RBAK: variants seen among roughly 807,000 people sequenced by gnomAD.
RBAK encodes RB associated KRAB zinc finger, also known as RB-associated KRAB zinc finger protein.
Under a neutral mutation model 65.8 loss-of-function variants are expected in RBAK, and 39 were observed. The observed-to-expected ratio is 0.59, with a 90% CI of 0.46 to 0.77. The LOEUF is 0.77. RBAK is among the 30% of genes least tolerant of loss of function. The probability of loss-of-function intolerance (pLI) is 0.00; values close to 1 mark genes in which losing one functional copy is unlikely to be tolerated. For synonymous variants in RBAK, 343 were observed against 289.7 expected, an observed-to-expected ratio of 1.18 and a Z score of -1.87; for missense variants, 884 against 855.1, an observed-to-expected ratio of 1.03 and a Z score of -0.42.
chr7:5,052,961 T>G (rs200321121), intron 2 of RBAK, among the ~76,000 whole-genome samples: 1 of 152,130 alleles, frequency 6.6e-6, no homozygotes, highest in East Asian at 1.9e-4. Flanking sequence ...GGTTTCACCA[T>G]GTTGGCCAGG....
At chr7:5,049,828 A>G (rs1368602143) in intron 2 of RBAK, among the ~76,000 whole-genome samples, 2 of 151,786 alleles carry the variant, frequency 1.3e-5, no homozygotes, top group Non-Finnish European at 2.9e-5. Flanking sequence ...GGCTCACACG[A>G]TCCTCCTGCC....
At chr7:5,059,938 A>T (rs1467224846) in intron 4 of RBAK, among the ~76,000 whole-genome samples, 2 of 152,076 alleles carry the variant, frequency 1.3e-5, no homozygotes, top group African/African-American at 4.8e-5. Flanking sequence ...CAAAGATTAT[A>T]TGTTCTGATA....
intron 2 of RBAK, among the ~76,000 whole-genome samples, chr7:5,051,277 A>C (rs186420154): frequency 6.6e-6 from 1 of 152,300 alleles, no homozygotes; most frequent in East Asian, 1.9e-4. Flanking sequence ...TTTTGTTCAG[A>C]TACTTCATTC....
chr7:5,062,425 G>A (rs1457639501), intron 4 of RBAK, among the ~76,000 whole-genome samples: 1 of 152,146 alleles, frequency 6.6e-6, no homozygotes, highest in Non-Finnish European at 1.5e-5. Context: ...TTTCAAAAGG[G>A]GAGGGAGTGT....
intron 4 of RBAK, among the ~76,000 whole-genome samples, chr7:5,059,487 A>G (rs1233785169): frequency 6.6e-6 from 1 of 152,028 alleles, no homozygotes; most frequent in Non-Finnish European, 1.5e-5. Flanking sequence ...ATGCCTGGCT[A>G]ATTTTTATAT....
At chr7:5,051,569 ATTT>A (rs1290586481) in intron 2 of RBAK, among the ~76,000 whole-genome samples, 3 of 152,044 alleles carry the variant, frequency 2.0e-5, no homozygotes, top group Non-Finnish European at 4.4e-5. Flanking sequence ...CTTTATAGCA[ATTT>A]TTAATTTTTG....
chr7:5,048,085 A>G lies in RBAK; in HGVS notation c.9A>G (p.Thr3=), dbSNP rs1185481408. 7 of 1,595,904 alleles carry G rather than the reference A, an allele frequency of 4.4e-6. No individual in the cohort carries two copies. Among genetic ancestry groups the G allele is most frequent in the South Asian group, 2.3e-5 (2 of 88,078 alleles). Residue 3 remains threonine (T), a synonymous_variant, in exon 2 of 5, where the codon ACA becomes ACG. Transcript: ENST00000396912. This position sits in a 1 kb window ranked among gnomAD's most constrained non-coding sequence, Gnocchi z 4.4. ...TCCAAGAGCAGCAGAAAATGAACACATTGCAGGTGAGTTTTCATGCTTGTG... is the reference window on the plus strand; with the variant it reads ...TCCAAGAGCAGCAGAAAATGAACACGTTGCAGGTGAGTTTTCATGCTTGTG... MN[T]LQGPVSFKDV...
At position 5,061,453 on chromosome 7, in the gene RBAK, C is replaced by CT. The variant is rs56688573; in HGVS notation, c.239-2226dup. Among the ~76,000 whole-genome samples, 239 of 133,830 alleles carry CT rather than the reference C, an allele frequency of 1.8e-3. 1 individual carries two copies. The highest frequency in any genetic ancestry group is 4.7e-3 in the South Asian group (19 of 4,076). The allele number at this position is 133,830 out of a possible 152,430, so 87.8% of individuals were successfully genotyped here. On this transcript the variant is annotated intron_variant, in intron 4 of 4. Transcript: ENST00000396912. Reference sequence around the variant, plus strand: ...GGTTTTTTGTTTTGTTTTTCTTTTTCTTTTTTTTTTTTTTTTATAGTAGAG... The same window carrying CT: ...GGTTTTTTGTTTTGTTTTTCTTTTTCTTTTTTTTTTTTTTTTTATAGTAGAG...
chr7:5,063,836 T>A lies in RBAK; in HGVS notation c.380T>A (p.Leu127His). Residue 127 changes from leucine to histidine, a missense_variant, in exon 5 of 5, where the codon CTT becomes CAT. Leu to His is a moderately conservative substitution (Grantham distance 99). Transcript: ENST00000396912. ...TFSQIYMETS[L>H]VPSSIIAHNC... ...AGTCAAATTTACATGGAAACAAGCC[T>A]TGTTCCTTCAAGCATAATAGCTCAT... 6.2e-7 allele frequency: 1 copy of A among 1,614,082 alleles called. No homozygotes were observed. Among genetic ancestry groups the A allele is most frequent in the Non-Finnish European group, 8.5e-7 (1 of 1,179,992 alleles).
intron 2 of RBAK, among the ~76,000 whole-genome samples, chr7:5,053,832 T>C (rs1309928616): frequency 1.3e-5 from 2 of 152,212 alleles, no homozygotes; most frequent in Non-Finnish European, 2.9e-5. Context: ...CTCAATTTTT[T>C]TGAACATGTG....
intron 2 of RBAK, among the ~76,000 whole-genome samples, chr7:5,049,726 C>T (rs577792366): frequency 1.3e-4 from 20 of 151,990 alleles, no homozygotes; most frequent in Admixed American, 4.6e-4. Flanking sequence ...TGTTCTGTTT[C>T]TTTTTTTCTT....
At chr7:5,059,604 A>T (rs981194009) in intron 4 of RBAK, among the ~76,000 whole-genome samples, 1 of 152,204 alleles carries the variant, frequency 6.6e-6, no homozygotes, top group Non-Finnish European at 1.5e-5. Flanking sequence ...TAAACTTTAG[A>T]ACTTTATGCT....
In RBAK at chr7:5,046,200, C is replaced by A; in HGVS notation, c.-241C>A. On this transcript the variant is annotated 5_prime_UTR_variant, in exon 1 of 5. Coordinates refer to ENST00000396912, the MANE Select transcript of RBAK (RefSeq NM_021163.4). ...CCAGGCTGCCGCTGTACGGTGAGCCCGAGGGAGGCGGATCTGGGTCCCGGG... is the reference window on the plus strand; with the variant it reads ...CCAGGCTGCCGCTGTACGGTGAGCCAGAGGGAGGCGGATCTGGGTCCCGGG... 1 of 482,520 alleles carries A rather than the reference C, an allele frequency of 2.1e-6. No individual in the cohort carries two copies. The highest frequency in any genetic ancestry group is 4.1e-6 in the Non-Finnish European group (1 of 243,342). 29.9% of individuals were successfully genotyped at this position (482,520 alleles called of 1,614,324 possible).
Position 5,064,683 on chromosome 7 carries a change from C to T in RBAK, c.1227C>T (p.Ser409=), listed in dbSNP as rs765522004. The T allele has an allele frequency of 2.7e-5, 44 of 1,612,038 alleles. No individual in the cohort carries two copies. In the Admixed American group the frequency reaches 4.5e-4, roughly 17 times the overall value. Residue 409 remains serine, a synonymous_variant, in exon 5 of 5, where the codon TCC becomes TCT. Transcript: ENST00000396912. This position sits in a 1 kb window ranked among gnomAD's most constrained non-coding sequence, Gnocchi z 6.3. ...ATAAATGTAATGAATGTGGGAAATC[C>T]TACTACCGAAAGTCTACTCTGATTA... is the stretch of plus-strand genomic sequence containing the variant. ...KLYKCNECGK[S]YYRKSTLITH... is the part of the protein sequence containing the mutation.
At chr7:5,052,648 C>A (rs1788141502) in intron 2 of RBAK, among the ~76,000 whole-genome samples, 1 of 152,154 alleles carries the variant, frequency 6.6e-6, no homozygotes, top group Non-Finnish European at 1.5e-5. Context: ...CATTTCTCTC[C>A]TCTTGGTCTT....
At position 5,062,824 on chromosome 7, in the gene RBAK, T is replaced by A. The variant is rs370837715; in HGVS notation, c.239-871T>A. Among the ~76,000 whole-genome samples, 16 of 152,150 alleles carry A rather than the reference T, an allele frequency of 1.1e-4. No homozygotes were observed. In the East Asian group the frequency reaches 1.7e-3, roughly 16 times the overall value. On this transcript the variant is annotated intron_variant, in intron 4 of 4. Transcript: ENST00000396912. ...GAGAAAAAGAATTCAGCAATATATCTCCCATTTGCTTTTGAAAGAAGAGAA... is the reference window on the plus strand; with the variant it reads ...GAGAAAAAGAATTCAGCAATATATCACCCATTTGCTTTTGAAAGAAGAGAA...
intron 4 of RBAK, among the ~76,000 whole-genome samples, chr7:5,061,455 T>C (rs1049941779): frequency 2.6e-5 from 1 of 37,948 alleles, no homozygotes; most frequent in African/African-American, 1.0e-4. Context: ...TTCTTTTTCT[T>C]TTTTTTTTTT....
intron 2 of RBAK, among the ~76,000 whole-genome samples, chr7:5,051,671 A>G (rs919523683): frequency 1.4e-4 from 22 of 152,178 alleles, no homozygotes; most frequent in African/African-American, 4.6e-4. Flanking sequence ...CAGTGCCATT[A>G]TAATATTTGC....
chr7:5,055,147 A>G (rs775077924), intron 2 of RBAK, among the ~76,000 whole-genome samples: 1 of 151,936 alleles, frequency 6.6e-6, no homozygotes, highest in African/African-American at 2.4e-5. Context: ...GATAATGAGC[A>G]TTTTATTAAT....
Sources: gnomAD v4.1 joint callset for allele counts (sites outside exome capture counted in the v4.1 genomes callset) on GRCh38, gnomAD v4.1.1 for gene constraint, Gnocchi (gnomAD v3.1) non-coding constraint, MANE v1.5 for transcripts, NCBI Gene and HGNC (gene_info 2026-07-23, HGNC 2026-07-21) for gene names.